Variants in PAG1 observed in about 807,000 individuals in gnomAD.
The protein encoded by PAG1 is phosphoprotein associated with glycosphingolipid-enriched microdomains 1.
In PAG1, 23 loss-of-function variants were observed where a neutral mutation model predicts 31.7. That is an observed-to-expected ratio of 0.73 (90% confidence interval 0.52 to 1.03). PAG1 has a LOEUF of 1.03. Ranked by LOEUF, PAG1 falls within the 50% of genes least tolerant of loss-of-function variation. The pLI is 0.00. For missense variants in PAG1, 473 were observed against 540.7 expected (o/e 0.87, Z 1.24); for synonymous variants, 214 against 210.3 (o/e 1.02, Z -0.15).
chr8:81,072,567 A>T (rs1397300077), intron 1 of PAG1, among the ~76,000 whole-genome samples: 1 of 152,218 alleles, frequency 6.6e-6, no homozygotes, highest in African/African-American at 2.4e-5. Context: ...ATTTGAGCAT[A>T]GTGGCTCACA....
intron 2 of PAG1, among the ~76,000 whole-genome samples, chr8:81,052,278 G>T (rs1406308681): frequency 6.6e-6 from 1 of 152,200 alleles, no homozygotes; most frequent in East Asian, 1.9e-4. Context: ...GATACTCTGT[G>T]TCGAGACTTT....
chr8:81,074,047 A>T (rs1041974237), intron 1 of PAG1, among the ~76,000 whole-genome samples: 5 of 152,344 alleles, frequency 3.3e-5, no homozygotes, highest in Non-Finnish European at 5.9e-5. Context: ...GCACACGTGC[A>T]GACATGTGGG....
At chr8:81,026,700 C>T (rs1378942537) in intron 3 of PAG1, among the ~76,000 whole-genome samples, 1 of 152,054 alleles carries the variant, frequency 6.6e-6, no homozygotes, top group East Asian at 1.9e-4. Flanking sequence ...GGAGGCATGG[C>T]TGCTGAGTCA....
intron 6 of PAG1, 146 bp from the exon 7 acceptor site, chr8:80,985,523 A>G (rs1462941401): frequency 2.7e-6 from 2 of 744,258 alleles, no homozygotes; most frequent in Non-Finnish European, 4.3e-6. Flanking sequence ...TATGACCATC[A>G]GTTGGTATCC....
At chr8:80,995,916 C>G (rs764354768) in intron 3 of PAG1, among the ~76,000 whole-genome samples, 4 of 152,196 alleles carry the variant, frequency 2.6e-5, no homozygotes, top group Non-Finnish European at 5.9e-5. Flanking sequence ...GGGATTATTA[C>G]AAGCTGTGGA....
rs568850245 is a variant in PAG1 at position 81,092,621 on chromosome 8, T to A, written c.-234+18970A>T. 2.0e-5 allele frequency among the ~76,000 whole-genome samples: 3 copies of A among 152,354 alleles called. No homozygotes were observed. The South Asian group carries it at 6.2e-4, about 32-fold the overall frequency. On this transcript the variant is annotated intron_variant, in intron 1 of 8. Coordinates refer to ENST00000220597, the MANE Select transcript of PAG1 (RefSeq NM_018440.4). ...AAAATTGTATCCCTCGTCATGGAACTAATTCAACAAATGAAACAGCATTAC... is the reference window on the plus strand; with the variant it reads ...AAAATTGTATCCCTCGTCATGGAACAAATTCAACAAATGAAACAGCATTAC...
chr8:81,007,411 C>T (rs7005413), intron 3 of PAG1, among the ~76,000 whole-genome samples: 7,544 of 148,194 alleles, frequency 0.051, 197 homozygotes, highest in East Asian at 0.097. Flanking sequence ...GTCAGGGGTT[C>T]GAGACCAGCC....
intron 2 of PAG1, among the ~76,000 whole-genome samples, chr8:81,066,596 C>T (rs1809012208): frequency 6.6e-6 from 1 of 152,174 alleles, no homozygotes; most frequent in South Asian, 2.1e-4. Context: ...TAAAACCATA[C>T]TTTTTGCTTC....
At position 80,976,773 on chromosome 8, in the gene PAG1, T is replaced by G; in HGVS notation, c.1070A>C (p.Asp357Ala). Residue 357 changes from aspartate (D) to alanine (A), a missense_variant, in exon 9 of 9, where the codon GAT (aspartate) becomes GCT (alanine). Transcript: ENST00000220597. ...GAAGTCTTTAACAGTAGCATAGAGATCATTACAGGAGGAGGGTGACCTCTG... is the reference window on the plus strand; with the variant it reads ...GAAGTCTTTAACAGTAGCATAGAGAGCATTACAGGAGGAGGGTGACCTCTG... ...DPQRSPSSCN[D>A]LYATVKDFEK... 6.2e-7 allele frequency: 1 copy of G among 1,614,178 alleles called. No homozygotes were observed. The highest frequency in any genetic ancestry group is 8.5e-7 in the Non-Finnish European group (1 of 1,180,030).
At chr8:81,091,162 T>C (rs1809440697) in intron 1 of PAG1, among the ~76,000 whole-genome samples, 1 of 152,198 alleles carries the variant, frequency 6.6e-6, no homozygotes, top group South Asian at 2.1e-4. Context: ...CCTGTTTTAT[T>C]GGCCTCCTCT....
intron 3 of PAG1, among the ~76,000 whole-genome samples, chr8:81,009,553 A>T (rs1173907313): frequency 1.3e-5 from 2 of 152,170 alleles, no homozygotes; most frequent in Non-Finnish European, 2.9e-5. Flanking sequence ...AATCAAACCA[A>T]CGGTATCCTA....
rs3065523 is a variant in PAG1, at chr8:80,998,128, C to CT, written c.-80-4822dup. Among the ~76,000 whole-genome samples, 399 of 112,742 alleles carry CT rather than the reference C, an allele frequency of 3.5e-3. 2 individuals are homozygous for CT. The highest frequency in any genetic ancestry group is 0.027 in the South Asian group (95 of 3,520). 74.0% of individuals were successfully genotyped at this position (112,742 alleles called of 152,430 possible). On this transcript the variant is annotated intron_variant, in intron 3 of 8. Coordinates refer to ENST00000220597, the MANE Select transcript of PAG1 (RefSeq NM_018440.4). ...GCCTTTAAATTTAACAGCAGGTGTC[C>CT]TTTTTTTTTTTTTTTTTTTTGAGAC...
rs774693446 is a variant in PAG1 at position 80,971,554 on chromosome 8, G to A, written c.*4990C>T. On this transcript the variant is annotated 3_prime_UTR_variant, in exon 9 of 9. Transcript: ENST00000220597. ...ATCAACCTTTGTAATACATGATTAC[G>A]CAAGGTGATATGAGACAACCCAAGG... 4 of 152,032 alleles carry A rather than the reference G, an allele frequency of 2.6e-5. No individual in the cohort carries two copies. The highest frequency in any genetic ancestry group is 5.9e-5 in the Non-Finnish European group (4 of 68,000). The allele number at this position is 152,032 out of a possible 1,614,324, so 9.4% of individuals were successfully genotyped here. A position where few individuals can be genotyped will look rare whatever the true frequency, so the allele number is the denominator to read the frequency against.
At chr8:81,024,687 T>C (rs1808245489) in intron 3 of PAG1, among the ~76,000 whole-genome samples, 1 of 152,210 alleles carries the variant, frequency 6.6e-6, no homozygotes, top group Non-Finnish European at 1.5e-5. Context: ...TTGTTTCTTT[T>C]AGGAAAATGT....
chr8:81,091,690 CATACAT>C lies in PAG1; in HGVS notation c.-234+19895_-234+19900del, dbSNP rs796831348. Among the ~76,000 whole-genome samples, 36 of 152,184 alleles carry C rather than the reference CATACAT, an allele frequency of 2.4e-4. 1 individual carries two copies. Among genetic ancestry groups the C allele is most frequent in the African/African-American group, 8.7e-4 (36 of 41,496 alleles). ...AATGTTGGTATGTGGTACATGATTA[CATACAT>C]ATATAAATAAACAATTCACAGTAGG... is the stretch of plus-strand genomic sequence containing the variant. On this transcript the variant is annotated intron_variant, in intron 1 of 8. Transcript: ENST00000220597.
chr8:81,058,203 C>A (rs550607239), intron 2 of PAG1, among the ~76,000 whole-genome samples: 1 of 152,232 alleles, frequency 6.6e-6, no homozygotes, highest in Non-Finnish European at 1.5e-5. Flanking sequence ...CCATAATCTA[C>A]CATGGACCCA....
chr8:81,085,612 C>G (rs2131034706), intron 1 of PAG1, among the ~76,000 whole-genome samples: 1 of 152,236 alleles, frequency 6.6e-6, no homozygotes, highest in South Asian at 2.1e-4. Context: ...AATTTACCAA[C>G]AGAGAGGAAT....
intron 2 of PAG1, among the ~76,000 whole-genome samples, chr8:81,056,880 A>C (rs1166097894): frequency 2.6e-5 from 4 of 152,214 alleles, no homozygotes; most frequent in Non-Finnish European, 4.4e-5. Flanking sequence ...CAAGAAAAAA[A>C]CAAACAACCC....
chr8:80,987,833 G>T (rs1586145733), intron 5 of PAG1, among the ~76,000 whole-genome samples: 1 of 152,126 alleles, frequency 6.6e-6, no homozygotes, highest in Non-Finnish European at 1.5e-5. Context: ...ATCTTGTATG[G>T]TTCTCACCTA....
Sources: allele counts gnomAD v4.1 joint callset (sites outside exome capture counted in the v4.1 genomes callset), GRCh38; gene constraint gnomAD v4.1.1; transcripts MANE v1.5; gene names NCBI Gene and HGNC (gene_info 2026-07-23, HGNC 2026-07-21).